ALG14: variants seen among roughly 807,000 people sequenced by gnomAD.
ALG14 encodes the protein ALG14 UDP-N-acetylglucosaminyltransferase subunit, also known as UDP-N-acetylglucosamine transferase subunit ALG14.
Under a neutral mutation model 22.8 loss-of-function variants are expected in ALG14, and 17 were observed. The ratio of observed to expected loss-of-function variants is 0.75; its 90% CI spans 0.51 to 1.12. ALG14 has a LOEUF of 1.12. Among genes scored for constraint, ALG14 ranks in the 50% most tolerant of loss-of-function variants. ALG14 has a pLI of 0.00. For synonymous variants in ALG14, 89 were observed against 103.7 expected, an observed-to-expected ratio of 0.86 and a Z score of 0.86; for missense variants, 288 against 271.8, an observed-to-expected ratio of 1.06 and a Z score of -0.42.
At position 94,983,316 on chromosome 1, in the gene ALG14, A is replaced by G. The variant is rs1672548257; in HGVS notation, c.421-10T>C. The G allele has an allele frequency of 6.2e-7, 1 of 1,609,130 alleles. No homozygotes were observed. ...GTCCGTTACACAACACCTGAAAGAA[A>G]AAGTTGAAGGTCAAATGAAAATACA... On this transcript the variant is annotated splice_polypyrimidine_tract_variant and intron_variant, in intron 3 of 3. Transcript: ENST00000370205.
chr1:95,053,272 A>G (rs1202192216), intron 2 of ALG14, among the ~76,000 whole-genome samples: 9 of 151,878 alleles, frequency 5.9e-5, no homozygotes, highest in African/African-American at 2.2e-4. Context: ...GATAAAATAG[A>G]TTTTTTTTTA....
chr1:95,002,262 A>G (rs1052636262), intron 3 of ALG14, among the ~76,000 whole-genome samples: 1 of 151,980 alleles, frequency 6.6e-6, no homozygotes, highest in Non-Finnish European at 1.5e-5. Context: ...GGAACCTGGA[A>G]GGTGGGGAGA....
chr1:94,996,155 A>G (rs965147200), intron 3 of ALG14, among the ~76,000 whole-genome samples: 6 of 152,232 alleles, frequency 3.9e-5, no homozygotes, highest in African/African-American at 1.4e-4. Context: ...TTCACGTCAC[A>G]TTCATCAGGG....
chr1:95,032,190 T>A (rs879485490), intron 2 of ALG14, among the ~76,000 whole-genome samples: 11 of 151,942 alleles, frequency 7.2e-5, no homozygotes, highest in Non-Finnish European at 1.6e-4. Flanking sequence ...AAAAAAAAAT[T>A]TTATTGAATA....
At chr1:95,013,944 A>C (rs1475769526) in intron 3 of ALG14, among the ~76,000 whole-genome samples, 6 of 144,408 alleles carry the variant, frequency 4.2e-5, no homozygotes, top group African/African-American at 1.3e-4. Flanking sequence ...AAAAAAAAAA[A>C]CCCTTCCAGC....
chr1:95,055,607 T>C (rs988986758), intron 2 of ALG14, among the ~76,000 whole-genome samples: 1 of 152,044 alleles, frequency 6.6e-6, no homozygotes, highest in African/African-American at 2.4e-5. Flanking sequence ...CAAACTGATA[T>C]ATTCAATTTA....
intron 2 of ALG14, among the ~76,000 whole-genome samples, chr1:95,038,674 T>G (rs2100792093): frequency 7.9e-6 from 1 of 127,238 alleles, no homozygotes; most frequent in South Asian, 2.8e-4. Flanking sequence ...AGAACAAAAC[T>G]TCACCTCAAA....
At chr1:95,071,204 C>G (rs1675550281) in intron 1 of ALG14, among the ~76,000 whole-genome samples, 1 of 152,176 alleles carries the variant, frequency 6.6e-6, no homozygotes. Context: ...GGCCTGTGGT[C>G]TTAACCCCTA....
intron 3 of ALG14, among the ~76,000 whole-genome samples, chr1:95,011,824 T>C (rs1465028439): frequency 6.6e-6 from 1 of 152,242 alleles, no homozygotes; most frequent in African/African-American, 2.4e-5. Flanking sequence ...TCTTTATTAT[T>C]AGAATCTAAA....
chr1:94,982,662 T>A lies in ALG14; in HGVS notation c.*414A>T, dbSNP rs1275511422. On this transcript the variant is annotated 3_prime_UTR_variant, in exon 4 of 4. Transcript: ENST00000370205. ...TATCTGAACCAAAACTCAGAAATACTTTTTTTCTCTCTTCTTTTACAATGC... is the reference window on the plus strand; with the variant it reads ...TATCTGAACCAAAACTCAGAAATACATTTTTTCTCTCTTCTTTTACAATGC... 6.6e-6 allele frequency: 1 copy of A among 152,528 alleles called. No individual in the cohort carries two copies. The highest frequency in any genetic ancestry group is 2.0e-4 in the South Asian group (1 of 4,948). 9.4% of individuals were successfully genotyped at this position (152,528 alleles called of 1,614,324 possible).
intron 3 of ALG14, among the ~76,000 whole-genome samples, chr1:95,003,966 T>C (rs1673137414): frequency 6.6e-6 from 1 of 152,220 alleles, no homozygotes. Flanking sequence ...ATCTTTTCTA[T>C]TATGCTTACT....
chr1:94,998,984 T>C (rs183047109), intron 3 of ALG14, among the ~76,000 whole-genome samples: 2 of 152,282 alleles, frequency 1.3e-5, no homozygotes, highest in East Asian at 1.9e-4. Context: ...TACTCATACA[T>C]TGTTAGGTGT....
intron 2 of ALG14, among the ~76,000 whole-genome samples, chr1:95,043,930 T>C (rs1674463612): frequency 6.6e-6 from 1 of 152,054 alleles, no homozygotes; most frequent in Non-Finnish European, 1.5e-5. Context: ...GGAAACGGTT[T>C]TGAATCTGTG....
Position 95,001,275 on chromosome 1 carries a change from G to C in ALG14, c.421-17969C>G, listed in dbSNP as rs568493917. ...TGAGGATGCTCAGCCAGCCCCCATG[G>C]GTTTTTTCACTTTTTAAATTCTTTT... On this transcript the variant is annotated intron_variant, in intron 3 of 3. Coordinates refer to ENST00000370205, the MANE Select transcript of ALG14 (RefSeq NM_144988.4). 3.7e-4 allele frequency among the ~76,000 whole-genome samples: 57 copies of C among 152,200 alleles called. 1 individual carries two copies. Among genetic ancestry groups the C allele is most frequent in the African/African-American group, 1.2e-3 (49 of 41,532 alleles).
chr1:95,014,717 T>G (rs1673455509), intron 3 of ALG14, among the ~76,000 whole-genome samples: 2 of 152,318 alleles, frequency 1.3e-5, no homozygotes, highest in South Asian at 4.1e-4. Context: ...TAATTTTTAT[T>G]TGTAAATAAA....
intron 2 of ALG14, among the ~76,000 whole-genome samples, chr1:95,036,248 C>T (rs1320640709): frequency 6.6e-6 from 1 of 151,802 alleles, no homozygotes; most frequent in African/African-American, 2.4e-5. Flanking sequence ...GGGGCAGTTC[C>T]CCTGTGATAG....
At chr1:95,047,365 T>C (rs1008296090) in intron 2 of ALG14, among the ~76,000 whole-genome samples, 3 of 152,124 alleles carry the variant, frequency 2.0e-5, no homozygotes, top group African/African-American at 7.2e-5. Context: ...TTTTTTTAGA[T>C]GGAGTTTCGC....
At chr1:95,047,003 T>TAACATAACATAA (rs1674581790) in intron 2 of ALG14, among the ~76,000 whole-genome samples, 1 of 151,180 alleles carries the variant, frequency 6.6e-6, no homozygotes, top group African/African-American at 2.4e-5. Flanking sequence ...TAACATAACA[T>TAACATAACATAA]AACATAACAT....
chr1:95,025,939 CT>C (rs879490868), intron 3 of ALG14, among the ~76,000 whole-genome samples: 55 of 147,818 alleles, frequency 3.7e-4, no homozygotes, highest in African/African-American at 8.1e-4. Flanking sequence ...AGGAGTAGCA[CT>C]TTTTTTTTTT....
Sources: allele counts gnomAD v4.1 joint callset (sites outside exome capture counted in the v4.1 genomes callset), GRCh38; gene constraint gnomAD v4.1.1; transcripts MANE v1.5; gene names NCBI Gene and HGNC (gene_info 2026-07-23, HGNC 2026-07-21).